TENM2: variants seen among roughly 807,000 people sequenced by gnomAD.
TENM2 encodes the protein teneurin-2.
TENM2 carries 52 observed loss-of-function variants against 245.2 expected under a neutral mutation model. That is an observed-to-expected ratio of 0.21 (90% CI 0.17 to 0.27). TENM2 has a LOEUF of 0.27. TENM2 is among the 10% of genes least tolerant of loss of function. The pLI is 1.00. For synonymous variants in TENM2, 1,363 were observed against 1,438.9 expected (o/e 0.95, Z 1.19); for missense variants, 3,046 against 3,666.8 (o/e 0.83, Z 4.37).
chr5:167,354,302 T>G (rs1423485966), intron 1 of TENM2, among the ~76,000 whole-genome samples: 1 of 152,250 alleles, frequency 6.6e-6, no homozygotes, highest in African/African-American at 2.4e-5. Flanking sequence ...GGCTCACTGA[T>G]TTTATCCAAA....
At chr5:167,140,828 C>T in the TENM2 span, among the ~76,000 whole-genome samples, 1 of 152,152 alleles carries the variant, frequency 6.6e-6, no homozygotes, top group African/African-American at 2.4e-5. Context: ...GGGGAATTCT[C>T]ATTAAAATAT....
the TENM2 span, among the ~76,000 whole-genome samples, chr5:167,167,887 C>T: frequency 1.8e-4 from 28 of 152,088 alleles, no homozygotes; most frequent in Non-Finnish European, 3.1e-4. Context: ...CAAGACAAAG[C>T]GATAGACAAG....
intron 4 of TENM2, among the ~76,000 whole-genome samples, chr5:167,979,716 G>A (rs1484047966): frequency 2.0e-5 from 3 of 152,108 alleles, no homozygotes; most frequent in African/African-American, 7.2e-5. Flanking sequence ...AAAACTTGAG[G>A]AGAATTCCAA....
chr5:168,228,260 G>GTT, intron 25 of TENM2, 130 bp downstream of exon 27: 1 of 723,400 alleles, frequency 1.4e-6, no homozygotes, highest in South Asian at 1.9e-5. Flanking sequence ...AGCTGAGAAA[G>GTT]TTTCCCAGCT....
chr5:167,349,705 G>A (rs553453086), intron 1 of TENM2, among the ~76,000 whole-genome samples: 2 of 151,920 alleles, frequency 1.3e-5, no homozygotes, highest in Non-Finnish European at 2.9e-5. Context: ...TATGTATATA[G>A]CCTGTTACTT....
chr5:167,847,933 C>T (rs931630279), intron 2 of TENM2, among the ~76,000 whole-genome samples: 2 of 152,196 alleles, frequency 1.3e-5, no homozygotes, highest in African/African-American at 4.8e-5. Flanking sequence ...CTAAGTGCAA[C>T]ACTTTACACT....
At chr5:167,701,820 T>G (rs1758162007) in intron 2 of TENM2, among the ~76,000 whole-genome samples, 1 of 152,250 alleles carries the variant, frequency 6.6e-6, no homozygotes, top group Non-Finnish European at 1.5e-5. Context: ...TTTTGTTATT[T>G]TAATGATAGT....
intron 1 of TENM2, among the ~76,000 whole-genome samples, chr5:167,373,262 C>A (rs924309654): frequency 6.6e-6 from 1 of 152,076 alleles, no homozygotes; most frequent in African/African-American, 2.4e-5. Context: ...AATTAAAGTC[C>A]CACTAGGTTA....
At chr5:166,995,876 A>T in the TENM2 span, among the ~76,000 whole-genome samples, 1 of 151,484 alleles carries the variant, frequency 6.6e-6, no homozygotes, top group Admixed American at 6.6e-5. Flanking sequence ...AAATTGTCAC[A>T]AATAAGATGG....
intron 23 of TENM2, 117 bp downstream of exon 25, chr5:168,219,116 A>C: frequency 1.0e-6 from 1 of 992,088 alleles, no homozygotes; most frequent in Non-Finnish European, 1.5e-6. Context: ...TCTAACTTTA[A>C]TGATGTCTTA....
At chr5:167,661,790 T>A (rs279385) in intron 2 of TENM2, among the ~76,000 whole-genome samples, 50,937 of 152,164 alleles carry the variant, frequency 0.33, 10,612 homozygotes, top group East Asian at 0.91. Flanking sequence ...AGCTTAGGCA[T>A]GTTTGTCTGT....
chr5:167,291,801 GCTC>G (rs1293612410), intron 1 of TENM2, among the ~76,000 whole-genome samples: 1 of 152,184 alleles, frequency 6.6e-6, no homozygotes, highest in Non-Finnish European at 1.5e-5. Flanking sequence ...GATAACAAAT[GCTC>G]CTAATGCTAG....
chr5:167,383,141 G>T (rs553614948), intron 2 of TENM2, among the ~76,000 whole-genome samples: 40 of 152,156 alleles, frequency 2.6e-4, no homozygotes, highest in African/African-American at 9.6e-4. Flanking sequence ...TGGGGAAGGT[G>T]CTTTGTTGGG....
At chr5:167,856,244 C>T (rs1468745467) in intron 2 of TENM2, among the ~76,000 whole-genome samples, 1 of 152,070 alleles carries the variant, frequency 6.6e-6, no homozygotes, top group Admixed American at 6.5e-5. Flanking sequence ...CCCTCCTGCC[C>T]CCACTTTGCC....
intron 2 of TENM2, among the ~76,000 whole-genome samples, chr5:167,680,210 T>TA (rs574726433): frequency 6.6e-5 from 10 of 151,572 alleles, no homozygotes; most frequent in Admixed American, 5.9e-4. Context: ...GGCATGGTGA[T>TA]AAAAAATCAT....
intron 1 of TENM2, among the ~76,000 whole-genome samples, chr5:167,365,677 T>C (rs773932913): frequency 6.6e-6 from 1 of 152,036 alleles, no homozygotes; most frequent in Non-Finnish European, 1.5e-5. Flanking sequence ...CTCAGAAGTC[T>C]TTATTAGGGT....
upstream of TENM2, among the ~76,000 whole-genome samples, chr5:167,279,870 T>C (rs1770950795): frequency 6.6e-6 from 1 of 152,216 alleles, no homozygotes; most frequent in African/African-American, 2.4e-5. Context: ...CAGATAATGC[T>C]GACATCTTTG....
chr5:167,550,423 A>G (rs1193322608), intron 2 of TENM2, among the ~76,000 whole-genome samples: 2 of 152,198 alleles, frequency 1.3e-5, no homozygotes, highest in African/African-American at 2.4e-5. Flanking sequence ...TCCACCAAGG[A>G]GTCAGAAATC....
rs34343283 is a variant in TENM2, at chr5:167,446,793, G to GCACACACA, written c.502+71347_502+71354dup. On this transcript the variant is annotated intron_variant, in intron 2 of 28. Transcript: ENST00000518659. The stretch of plus-strand genomic sequence containing the variant: ...CACCCCATCTCAGTTTTTGAAACAC[G>GCACACACA]CACACACACACACACACACACACAC... 5.5e-3 allele frequency among the ~76,000 whole-genome samples: 794 copies of GCACACACA among 143,998 alleles called. 2 individuals carry two copies. Among genetic ancestry groups the GCACACACA allele is most frequent in the Middle Eastern group, 0.011 (3 of 276 alleles). The allele number at this position is 143,998 out of a possible 152,430, so 94.5% of individuals were successfully genotyped here.
Sources: allele counts gnomAD v4.1 joint callset (sites outside exome capture counted in the v4.1 genomes callset), GRCh38; gene constraint gnomAD v4.1.1; transcripts MANE v1.5; gene names NCBI Gene and HGNC (gene_info 2026-07-23, HGNC 2026-07-21).